PCDH15: variants seen among roughly 807,000 people sequenced by gnomAD.
PCDH15 encodes the protein protocadherin-15.
A neutral mutation model predicts 178.5 loss-of-function variants in PCDH15; 129 were observed. That is an observed-to-expected ratio of 0.72 (90% CI 0.63 to 0.84). The LOEUF (loss-of-function observed/expected upper bound fraction) is 0.84, where lower values mean the gene tolerates loss of function less well. PCDH15 is among the 40% of genes least tolerant of loss of function. PCDH15 has a pLI of 0.00. For missense variants in PCDH15, 2,230 were observed against 2,099.9 expected (o/e 1.06, Z -1.21); for synonymous variants, 800 against 732.0 (o/e 1.09, Z -1.50).
chr10:54,067,683 G>C (rs1380793727), intron 17 of PCDH15, among the ~76,000 whole-genome samples: 6 of 152,142 alleles, frequency 3.9e-5, no homozygotes, highest in Non-Finnish European at 7.3e-5. Flanking sequence ...AAAAGGCTGA[G>C]AGCAAAGGTA....
At chr10:54,344,979 T>TA (rs796129955) in intron 6 of PCDH15, among the ~76,000 whole-genome samples, 9,804 of 142,528 alleles carry the variant, frequency 0.069, 460 homozygotes, top group African/African-American at 0.12. Flanking sequence ...TATATATATA[T>TA]TATATATATA....
chr10:55,577,885 C>T (rs953429343), intron 2 of PCDH15, among the ~76,000 whole-genome samples: 3 of 152,054 alleles, frequency 2.0e-5, no homozygotes, highest in Non-Finnish European at 4.4e-5. Flanking sequence ...AATTTCTGAA[C>T]CCTTCAGAAA....
chr10:55,194,334 A>G (rs538166707), intron 1 of PCDH15, among the ~76,000 whole-genome samples: 50 of 152,150 alleles, frequency 3.3e-4, no homozygotes, highest in Middle Eastern at 3.4e-3. Flanking sequence ...ACTATTGTCT[A>G]TGTGTCTCTT....
chr10:54,949,070 T>A (rs1233084565), intron 2 of PCDH15, among the ~76,000 whole-genome samples: 1 of 151,938 alleles, frequency 6.6e-6, no homozygotes, highest in Non-Finnish European at 1.5e-5. Flanking sequence ...AAAACATATA[T>A]AATAATATCT....
chr10:55,427,475 C>G (rs1362216787), intron 2 of PCDH15, among the ~76,000 whole-genome samples: 5 of 152,104 alleles, frequency 3.3e-5, no homozygotes, highest in Non-Finnish European at 4.4e-5. Context: ...CATTCAAGGG[C>G]TAATAGCCTA....
At chr10:55,531,743 C>A (rs913479627) in intron 2 of PCDH15, among the ~76,000 whole-genome samples, 1 of 152,030 alleles carries the variant, frequency 6.6e-6, no homozygotes, top group Non-Finnish European at 1.5e-5. Context: ...ATCATTCTCA[C>A]ATTCATGTCA....
intron 1 of PCDH15, among the ~76,000 whole-genome samples, chr10:55,242,066 G>GTA (rs1262542828): frequency 2.6e-5 from 4 of 152,158 alleles, no homozygotes; most frequent in African/African-American, 9.7e-5. Flanking sequence ...ATATATGGAA[G>GTA]TATATAATAA....
At chr10:54,018,826 A>C (rs1187138635) in intron 20 of PCDH15, among the ~76,000 whole-genome samples, 2 of 150,630 alleles carry the variant, frequency 1.3e-5, no homozygotes, top group Non-Finnish European at 1.5e-5. Context: ...TTTTTAACAT[A>C]GAAACTTGAT....
chr10:54,032,690 C>T (rs1447093919), intron 18 of PCDH15, among the ~76,000 whole-genome samples: 7 of 151,868 alleles, frequency 4.6e-5, no homozygotes. Context: ...TAAACTTTGT[C>T]CTTTTGTTAC....
intron 15 of PCDH15, among the ~76,000 whole-genome samples, chr10:54,110,231 C>A (rs1401071298): frequency 1.3e-5 from 2 of 149,992 alleles, no homozygotes. Context: ...ATTGGTTTAA[C>A]CCAGTGACAT....
intron 18 of PCDH15, among the ~76,000 whole-genome samples, chr10:54,052,158 G>C (rs1361326762): frequency 6.6e-6 from 1 of 152,244 alleles, no homozygotes; most frequent in African/African-American, 2.4e-5. Flanking sequence ...CATGTGGTCA[G>C]AGCCCCCACA....
At chr10:54,728,642 A>T (rs1220139003) in intron 1 of PCDH15, among the ~76,000 whole-genome samples, 2 of 151,084 alleles carry the variant, frequency 1.3e-5, no homozygotes, top group African/African-American at 2.4e-5. Context: ...AGGTATTCAA[A>T]CTATCTCTGT....
chr10:55,271,078 C>G (rs750991122), intron 1 of PCDH15, among the ~76,000 whole-genome samples: 9 of 151,938 alleles, frequency 5.9e-5, no homozygotes, highest in Non-Finnish European at 1.0e-4. Flanking sequence ...TAAGTGGGAG[C>G]TGAACACTGA....
chr10:54,631,127 T>C (rs1274433172), intron 2 of PCDH15, among the ~76,000 whole-genome samples: 1 of 152,168 alleles, frequency 6.6e-6, no homozygotes, highest in Non-Finnish European at 1.5e-5. Context: ...TGATTCCTCA[T>C]GGCTTGGTGC....
chr10:54,709,059 C>G (rs1170260836), intron 1 of PCDH15, among the ~76,000 whole-genome samples: 1 of 151,914 alleles, frequency 6.6e-6, no homozygotes, highest in Non-Finnish European at 1.5e-5. Context: ...AAAACCTGAC[C>G]GTGGATATTT....
chr10:54,079,356 G>A lies in PCDH15; in HGVS notation c.2066C>T (p.Thr689Ile). 1 of 1,614,126 alleles carries A rather than the reference G, an allele frequency of 6.2e-7. No individual in the cohort carries two copies. Among genetic ancestry groups the A allele is most frequent in the Non-Finnish European group, 8.5e-7 (1 of 1,179,984 alleles). ...ESTDRYILIITASDGRPDGTS... is the reference protein window; with the variant it reads ...ESTDRYILIIIASDGRPDGTS... The stretch of plus-strand genomic sequence containing the variant: ...CCCATCTGGCCTGCCATCTGAAGCT[G>A]TGATGATCAGAATGTAGCGATCAGT... Residue 689 changes from threonine to isoleucine, a missense_variant, in exon 17 of 38, where the codon ACA becomes ATA. Thr to Ile is a moderately conservative substitution (Grantham distance 89). Coordinates refer to ENST00000644397, the MANE Select transcript of PCDH15 (RefSeq NM_001384140.1).
At chr10:55,226,072 A>C (rs531089466) in intron 1 of PCDH15, among the ~76,000 whole-genome samples, 50 of 152,222 alleles carry the variant, frequency 3.3e-4, no homozygotes, top group Non-Finnish European at 5.9e-4. Flanking sequence ...CCAAGAGAAA[A>C]TAACTACTCT....
intron 9 of PCDH15, among the ~76,000 whole-genome samples, chr10:54,220,219 C>G (rs924788362): frequency 3.3e-5 from 5 of 152,160 alleles, no homozygotes; most frequent in African/African-American, 1.2e-4. Context: ...TAGCTGTTAA[C>G]TAGTTACTAC....
chr10:54,534,899 A>T (rs1403590858), intron 2 of PCDH15, among the ~76,000 whole-genome samples: 1 of 152,226 alleles, frequency 6.6e-6, no homozygotes, highest in East Asian at 1.9e-4. Context: ...CCAAAAGAAA[A>T]AGTTTGATCT....
Sources: allele counts gnomAD v4.1 joint callset (sites outside exome capture counted in the v4.1 genomes callset), GRCh38; gene constraint gnomAD v4.1.1; transcripts MANE v1.5; gene names NCBI Gene and HGNC (gene_info 2026-07-23, HGNC 2026-07-21).